RALGAPA1: variants seen among roughly 807,000 people sequenced by gnomAD.
RALGAPA1 encodes Ral GTPase activating protein catalytic subunit alpha 1.
RALGAPA1 carries 52 observed loss-of-function variants against 269.6 expected under a neutral mutation model. The ratio of observed to expected loss-of-function variants is 0.19; its 90% confidence interval spans 0.15 to 0.24. The LOEUF (loss-of-function observed/expected upper bound fraction) is 0.24, where lower values mean the gene tolerates loss of function less well. Ranked by LOEUF, RALGAPA1 falls within the 10% of genes least tolerant of loss-of-function variation. RALGAPA1 has a pLI of 1.00. For synonymous variants in RALGAPA1, 817 were observed against 1,008.3 expected (o/e 0.81, Z 3.60); for missense variants, 1,917 against 3,013.9 (o/e 0.64, Z 8.52).
intron 39 of RALGAPA1, among the ~76,000 whole-genome samples, chr14:35,550,871 A>T (rs2054932890): frequency 6.6e-6 from 1 of 152,202 alleles, no homozygotes; most frequent in Admixed American, 6.5e-5. Context: ...AGCATCAAGG[A>T]TTTTACATGA....
intron 26 of RALGAPA1, among the ~76,000 whole-genome samples, chr14:35,667,756 G>A (rs918372245): frequency 1.3e-5 from 2 of 152,042 alleles, no homozygotes; most frequent in East Asian, 1.9e-4. Flanking sequence ...GAGGTTCCTC[G>A]AAAAATCAAA....
At chr14:35,768,229 A>G (rs1403690451) in intron 4 of RALGAPA1, among the ~76,000 whole-genome samples, 2 of 152,082 alleles carry the variant, frequency 1.3e-5, no homozygotes, top group African/African-American at 4.8e-5. Flanking sequence ...CATACCAACA[A>G]GTGAGGCTAG....
intron 39 of RALGAPA1, among the ~76,000 whole-genome samples, chr14:35,566,687 A>G (rs971777465): frequency 6.6e-6 from 1 of 151,852 alleles, no homozygotes; most frequent in Non-Finnish European, 1.5e-5. Context: ...TTAAAATTTA[A>G]TACATTATGT....
intron 30 of RALGAPA1, 26 bp downstream of exon 30, chr14:35,654,341 T>C (rs775961189): frequency 1.9e-6 from 3 of 1,560,438 alleles, no homozygotes; most frequent in Admixed American, 4.1e-5. Context: ...AACAAGGTCA[T>C]AATAAATAAA....
intron 40 of RALGAPA1, 85 bp from the exon 41 acceptor site, chr14:35,548,623 T>A: frequency 1.1e-6 from 1 of 903,890 alleles, no homozygotes. Context: ...ATTTTCTTAC[T>A]GATTTCTTCA....
At chr14:35,778,110 G>C (rs2075171489) in intron 1 of RALGAPA1, among the ~76,000 whole-genome samples, 1 of 152,086 alleles carries the variant, frequency 6.6e-6, no homozygotes, top group African/African-American at 2.4e-5. Flanking sequence ...ACCCAGGCTA[G>C]AGTGCTGTGG....
intron 37 of RALGAPA1, among the ~76,000 whole-genome samples, chr14:35,584,799 T>C (rs1019774799): frequency 4.6e-5 from 7 of 152,056 alleles, no homozygotes; most frequent in South Asian, 2.1e-4. Context: ...GAAAACAGAA[T>C]ACAGCAGACA....
intron 1 of RALGAPA1, among the ~76,000 whole-genome samples, chr14:35,785,580 A>C (rs959230256): frequency 6.6e-6 from 1 of 152,234 alleles, no homozygotes. Context: ...TCGTGTTCTC[A>C]AACTGTCTGT....
chr14:35,705,306 G>GCTT, intron 16 of RALGAPA1, among the ~76,000 whole-genome samples: 1 of 152,162 alleles, frequency 6.6e-6, no homozygotes, highest in African/African-American at 2.4e-5. Context: ...CTCTGTGCTT[G>GCTT]CTTCTACCTA....
intron 1 of RALGAPA1, among the ~76,000 whole-genome samples, chr14:35,804,517 C>T (rs1041685575): frequency 5.3e-5 from 8 of 151,228 alleles, no homozygotes; most frequent in Admixed American, 2.0e-4. Context: ...TGCAGTGAGC[C>T]GAGATCGTGC....
At chr14:35,658,633 T>G (rs576856715) in intron 28 of RALGAPA1, among the ~76,000 whole-genome samples, 4 of 152,104 alleles carry the variant, frequency 2.6e-5, no homozygotes, top group African/African-American at 4.8e-5. Flanking sequence ...AATGTCAGCT[T>G]TTATTTCTTA....
chr14:35,625,273 A>G, intron 35 of RALGAPA1, 88 bp downstream of exon 35: 1 of 908,128 alleles, frequency 1.1e-6, no homozygotes, highest in East Asian at 2.5e-5. Context: ...ACAGTATTAT[A>G]TACTATTTAA....
intron 2 of RALGAPA1, 54 bp from the exon 3 acceptor site, chr14:35,775,109 G>T: frequency 9.9e-7 from 1 of 1,005,332 alleles, no homozygotes; most frequent in South Asian, 1.5e-5. Context: ...TCCTCATAAT[G>T]AACTTAAAAT....
chr14:35,748,524 A>G, intron 10 of RALGAPA1, 61 bp downstream of exon 10: 1 of 1,496,078 alleles, frequency 6.7e-7, no homozygotes, highest in Non-Finnish European at 8.9e-7. Flanking sequence ...AAAAATCAGT[A>G]TGTTTAATAT....
intron 36 of RALGAPA1, among the ~76,000 whole-genome samples, chr14:35,596,000 G>A (rs540266476): frequency 1.3e-5 from 2 of 152,026 alleles, no homozygotes; most frequent in African/African-American, 2.4e-5. Context: ...AGTTAACCAG[G>A]AAAGGTATCA....
At chr14:35,594,477 C>T (rs149797551) in intron 37 of RALGAPA1, among the ~76,000 whole-genome samples, 5 of 152,008 alleles carry the variant, frequency 3.3e-5, no homozygotes, top group African/African-American at 4.8e-5. Context: ...TATTCAAAAA[C>T]ATAAAAACAT....
intron 16 of RALGAPA1, among the ~76,000 whole-genome samples, chr14:35,717,196 G>A (rs749830470): frequency 6.6e-6 from 1 of 152,148 alleles, no homozygotes; most frequent in Non-Finnish European, 1.5e-5. Flanking sequence ...TGTTGCCCAA[G>A]CTGGAGTGCA....
intron 35 of RALGAPA1, among the ~76,000 whole-genome samples, chr14:35,619,729 A>G (rs1028258968): frequency 2.0e-5 from 3 of 152,214 alleles, no homozygotes; most frequent in African/African-American, 4.8e-5. Flanking sequence ...CCTCTAAGCA[A>G]ATAAACTAGA....
At chr14:35,544,247 C>A (rs1305501825) in intron 41 of RALGAPA1, among the ~76,000 whole-genome samples, 1 of 152,092 alleles carries the variant, frequency 6.6e-6, no homozygotes, top group Admixed American at 6.5e-5. Flanking sequence ...AAAGTAAAAC[C>A]CTTAAAATAA....
Sources: allele counts gnomAD v4.1 joint callset (sites outside exome capture counted in the v4.1 genomes callset), GRCh38; gene constraint gnomAD v4.1.1; transcripts MANE v1.5; gene names NCBI Gene and HGNC (gene_info 2026-07-23, HGNC 2026-07-21).